Variants in UGGT2 observed in about 807,000 individuals in gnomAD.
UGGT2 encodes UDP-glucose glycoprotein glucosyltransferase 2, also known as UDP-glucose:glycoprotein glucosyltransferase 2.
Under a neutral mutation model 192.1 loss-of-function variants are expected in UGGT2, and 180 were observed. The ratio of observed to expected loss-of-function variants is 0.94; its 90% confidence interval spans 0.83 to 1.06. UGGT2 has a LOEUF of 1.06. Ranked by LOEUF, UGGT2 falls within the 50% of genes least tolerant of loss-of-function variation. The pLI, the probability that UGGT2 is intolerant of heterozygous loss-of-function variation, is 0.00. For missense variants in UGGT2, 1,849 were observed against 1,795.7 expected, an observed-to-expected ratio of 1.03 and a Z score of -0.54; for synonymous variants, 580 against 591.0, an observed-to-expected ratio of 0.98 and a Z score of 0.27.
intron 33 of UGGT2, among the ~76,000 whole-genome samples, chr13:95,859,066 A>T (rs1594167246): frequency 1.3e-5 from 2 of 152,262 alleles, no homozygotes; most frequent in Admixed American, 1.3e-4. Flanking sequence ...TTGTAGCAGG[A>T]GTATAGGGCT....
chr13:96,013,609 G>T, intron 4 of UGGT2, 128 bp from the exon 5 acceptor site: 1 of 646,320 alleles, frequency 1.5e-6, no homozygotes, highest in Non-Finnish European at 2.3e-6. Context: ...TAAATTTCCT[G>T]TGATGACTTT....
chr13:96,005,621 G>T (rs2051949135), intron 5 of UGGT2, among the ~76,000 whole-genome samples: 1 of 152,194 alleles, frequency 6.6e-6, no homozygotes, highest in Admixed American at 6.5e-5. Flanking sequence ...TTAGTCTGAA[G>T]GAAGGACGGG....
chr13:95,950,059 C>G (rs1014451725), intron 12 of UGGT2, among the ~76,000 whole-genome samples: 1 of 151,850 alleles, frequency 6.6e-6, no homozygotes, highest in Non-Finnish European at 1.5e-5. Context: ...CCCCAGATTG[C>G]GTCCTGGAGA....
At chr13:95,871,591 T>C (rs1165871967) in intron 29 of UGGT2, among the ~76,000 whole-genome samples, 1 of 152,206 alleles carries the variant, frequency 6.6e-6, no homozygotes, top group Admixed American at 6.5e-5. Flanking sequence ...ATTGGGTATT[T>C]GAGGACTGTT....
chr13:95,989,238 G>A (rs1203704532), intron 8 of UGGT2, among the ~76,000 whole-genome samples: 1 of 151,980 alleles, frequency 6.6e-6, no homozygotes, highest in African/African-American at 2.4e-5. Context: ...TTATAGTAAT[G>A]TCATTATTTA....
intron 7 of UGGT2, 105 bp from the exon 8 acceptor site, chr13:95,990,178 G>T: frequency 1.8e-6 from 1 of 570,648 alleles, no homozygotes; most frequent in South Asian, 3.5e-5. Context: ...AGACATAAAT[G>T]AATCATTCAT....
intron 38 of UGGT2, among the ~76,000 whole-genome samples, chr13:95,828,016 C>T (rs889727737): frequency 3.9e-5 from 6 of 152,110 alleles, no homozygotes; most frequent in African/African-American, 1.2e-4. Context: ...CATACTCTGG[C>T]CCCCTCCAAA....
intron 1 of UGGT2, among the ~76,000 whole-genome samples, chr13:96,037,449 G>A (rs1165876854): frequency 2.6e-5 from 4 of 152,048 alleles, no homozygotes; most frequent in African/African-American, 9.7e-5. Context: ...TGCCCGCCTC[G>A]GCCTCCCCAA....
At chr13:95,929,010 C>G (rs2049146520) in intron 17 of UGGT2, among the ~76,000 whole-genome samples, 1 of 152,170 alleles carries the variant, frequency 6.6e-6, no homozygotes, top group Non-Finnish European at 1.5e-5. Context: ...CCGGCCAACA[C>G]AGCGAAACCC....
chr13:95,889,751 A>G (rs181557604), intron 25 of UGGT2, among the ~76,000 whole-genome samples: 3 of 152,314 alleles, frequency 2.0e-5, no homozygotes, highest in Middle Eastern at 3.4e-3. Flanking sequence ...TTTCACAGGG[A>G]AAGAATTTCC....
chr13:95,937,758 AT>A (rs2049514619), intron 16 of UGGT2, among the ~76,000 whole-genome samples: 1 of 152,242 alleles, frequency 6.6e-6, no homozygotes, highest in Non-Finnish European at 1.5e-5. Context: ...TAAAGGCTTA[AT>A]AAAAATTTGC....
At chr13:95,822,187 C>T (rs1473017412) in intron 38 of UGGT2, among the ~76,000 whole-genome samples, 1 of 151,768 alleles carries the variant, frequency 6.6e-6, no homozygotes, top group Non-Finnish European at 1.5e-5. Context: ...ATTATTTCCA[C>T]AGCATGTGTT....
At chr13:95,861,933 C>A (rs574291873) in intron 31 of UGGT2, among the ~76,000 whole-genome samples, 1 of 152,150 alleles carries the variant, frequency 6.6e-6, no homozygotes, top group Non-Finnish European at 1.5e-5. Context: ...CCGTTTCTAA[C>A]AAAGCATTTT....
rs1410119978 is a variant in UGGT2 at position 95,838,490 on chromosome 13, A to G, written c.4285-1288T>C. Among the ~76,000 whole-genome samples, 4 of 152,156 alleles carry G rather than the reference A, an allele frequency of 2.6e-5. No individual in the cohort carries two copies. In the East Asian group the frequency reaches 7.7e-4, roughly 29 times the overall value. On this transcript the variant is annotated intron_variant, in intron 36 of 38. Transcript: ENST00000376747. ...AAAAAGGAAAAGATCCAGAATATCC[A>G]ACACAATATTGAAGAATAAAGTCAG...
chr13:95,921,185 G>C (rs2048832642), intron 20 of UGGT2, among the ~76,000 whole-genome samples: 1 of 151,978 alleles, frequency 6.6e-6, no homozygotes, highest in Non-Finnish European at 1.5e-5. Flanking sequence ...ACACACTGTG[G>C]TCTGTTGGGG....
chr13:95,959,744 T>C (rs779300499), intron 12 of UGGT2, among the ~76,000 whole-genome samples: 13 of 152,102 alleles, frequency 8.5e-5, no homozygotes, highest in Non-Finnish European at 1.6e-4. Flanking sequence ...ACTGCTCAGG[T>C]GCTCAAGAAC....
intron 38 of UGGT2, among the ~76,000 whole-genome samples, chr13:95,815,515 T>C (rs755116822): frequency 1.3e-5 from 2 of 152,184 alleles, no homozygotes; most frequent in Non-Finnish European, 2.9e-5. Context: ...CTTAGTAAAA[T>C]ATGTACACTG....
intron 4 of UGGT2, among the ~76,000 whole-genome samples, chr13:96,016,744 A>G (rs2052350462): frequency 6.6e-6 from 1 of 152,242 alleles, no homozygotes; most frequent in Non-Finnish European, 1.5e-5. Flanking sequence ...ACGCCCACAC[A>G]GAGTCCCCAC....
chr13:95,845,628 T>C (rs1349751951), intron 36 of UGGT2, among the ~76,000 whole-genome samples: 1 of 151,988 alleles, frequency 6.6e-6, no homozygotes, highest in African/African-American at 2.4e-5. Flanking sequence ...TTTCCCCCTT[T>C]TCTATTCGAC....
Sources: gnomAD v4.1 joint callset for allele counts (sites outside exome capture counted in the v4.1 genomes callset) on GRCh38, gnomAD v4.1.1 for gene constraint, MANE v1.5 for transcripts, NCBI Gene and HGNC (gene_info 2026-07-23, HGNC 2026-07-21) for gene names.